Variants in TSFM observed in about 807,000 individuals in gnomAD.
The protein encoded by TSFM is elongation factor Ts, mitochondrial.
Under a neutral mutation model 33.4 loss-of-function variants are expected in TSFM, and 29 were observed. The observed-to-expected ratio is 0.87, with a 90% CI of 0.65 to 1.18. TSFM has a LOEUF of 1.18. Ranked by LOEUF, TSFM falls within the 50% of genes most tolerant of loss-of-function variation. The probability of loss-of-function intolerance (pLI) is 0.00; values close to 1 mark genes in which losing one functional copy is unlikely to be tolerated. For synonymous variants in TSFM, 178 were observed against 163.5 expected (o/e 1.09, Z -0.68); for missense variants, 394 against 395.6 (o/e 1.00, Z 0.04).
intron 3 of TSFM, 56 bp downstream of exon 3, chr12:57,786,347 T>C: frequency 6.4e-7 from 1 of 1,572,474 alleles, no homozygotes; most frequent in East Asian, 2.3e-5. Context: ...GTGTAAAGCT[T>C]GTAGTAGGCC....
At chr12:57,783,361 A>G in intron 2 of TSFM, 78 bp downstream of exon 2, 1 of 1,534,594 alleles carries the variant, frequency 6.5e-7, no homozygotes, top group Non-Finnish European at 9.0e-7. Flanking sequence ...TGGGGAGCAT[A>G]AAGTTAGACT....
At chr12:57,788,324 G>C (rs1236516508) in intron 4 of TSFM, among the ~76,000 whole-genome samples, 1 of 151,752 alleles carries the variant, frequency 6.6e-6, no homozygotes, top group South Asian at 2.1e-4. Context: ...CTGTCACTCA[G>C]GCTGGAGTGC....
chr12:57,786,158 T>TGAGAGGAAAAAGAGCAGACA lies in TSFM; in HGVS notation c.232-5_232-4insGAGAGGAAAAAGAGCAGACA, dbSNP rs757338681. 1 of 1,600,774 alleles carries TGAGAGGAAAAAGAGCAGACA rather than the reference T, an allele frequency of 6.2e-7. No individual in the cohort carries two copies. Among genetic ancestry groups the TGAGAGGAAAAAGAGCAGACA allele is most frequent in the South Asian group, 1.1e-5 (1 of 88,952 alleles). ...TTGTCTGCTCTTTTTCCTCTCAATTTACAGGCAGAGATCTGGCTCCACAAG... is the reference window on the plus strand; with the variant it reads ...TTGTCTGCTCTTTTTCCTCTCAATTTGAGAGGAAAAAGAGCAGACAACAGGCAGAGATCTGGCTCCACAAG... On this transcript the variant is annotated splice_region_variant and splice_polypyrimidine_tract_variant and intron_variant, in intron 2 of 5. Transcript: ENST00000652027.
At position 57,795,072 on chromosome 12, in the gene TSFM, CATATATATATATATATGTAT is replaced by C. The variant is rs1394377711; in HGVS notation, c.572-1093_572-1074del. Among the ~76,000 whole-genome samples the C allele has an allele frequency of 3.0e-5, 4 of 135,154 alleles. No individual in the cohort carries two copies. In the East Asian group the frequency reaches 6.6e-4, roughly 22 times the overall value. 88.7% of individuals were successfully genotyped at this position (135,154 alleles called of 152,430 possible). On this transcript the variant is annotated intron_variant, in intron 5 of 5. Transcript: ENST00000652027. The stretch of plus-strand genomic sequence containing the variant: ...CCGCACCCAGCCCTAGTTAATGCTC[CATATATATATATATATGTAT>C]ATATATATATAAATTTTTTTTTTTG...
At position 57,793,045 on chromosome 12, in the gene TSFM, A is replaced by G. The variant is rs771563453; in HGVS notation, c.543A>G (p.Ser181=). 150 of 1,613,570 alleles carry G rather than the reference A, an allele frequency of 9.3e-5. No homozygotes were observed. Among genetic ancestry groups the G allele is most frequent in the Non-Finnish European group, 1.3e-4 (148 of 1,179,704 alleles). The change falls in exon 5 of 6, where the codon TCA becomes TCG. Residue 181 remains serine, a synonymous_variant. Coordinates refer to ENST00000652027, the MANE Select transcript of TSFM (RefSeq NM_005726.6). Reference sequence around the variant, plus strand: ...CAGCTGGGCCTGACAGAGAAGGCTCACTCAAGGATCAGTTGGCTTTAGCAA... The same window carrying G: ...CAGCTGGGCCTGACAGAGAAGGCTCGCTCAAGGATCAGTTGGCTTTAGCAA... ...GLPAGPDREG[S]LKDQLALAIG... is the part of the protein sequence containing the mutation.
In TSFM at chr12:57,796,973, C is replaced by T. The variant is rs1358588999; in HGVS notation, c.*390C>T. On this transcript the variant is annotated 3_prime_UTR_variant, in exon 6 of 6. Coordinates refer to ENST00000652027, the MANE Select transcript of TSFM (RefSeq NM_005726.6). ...AACCGTGCTTCTGCCTCGGAACCTC[C>T]CTAGTTATATTACTTGTGCCACATG... 1 of 987,406 alleles carries T rather than the reference C, an allele frequency of 1.0e-6. No individual in the cohort carries two copies. The highest frequency in any genetic ancestry group is 1.2e-6 in the Non-Finnish European group (1 of 831,492). The allele number at this position is 987,406 out of a possible 1,614,324, so 61.2% of individuals were successfully genotyped here.
chr12:57,783,343 G>C, intron 2 of TSFM, 60 bp downstream of exon 2: 1 of 1,598,530 alleles, frequency 6.3e-7, no homozygotes, highest in Non-Finnish European at 8.6e-7. Context: ...CTCTTGGGGC[G>C]GTCACGCTGG....
At chr12:57,801,932 T>C (rs1236748863), downstream of TSFM, among the ~76,000 whole-genome samples, 1 of 152,232 alleles carries the variant, frequency 6.6e-6, no homozygotes, top group Non-Finnish European at 1.5e-5. Flanking sequence ...ATAAACTGTT[T>C]ATACTTCACA....
downstream of TSFM, chr12:57,800,281 C>A: frequency 5.4e-6 from 1 of 186,788 alleles, no homozygotes; most frequent in Non-Finnish European, 1.1e-5. Context: ...AGGTTGTAGT[C>A]CTACTTAAAT....
intron 4 of TSFM, among the ~76,000 whole-genome samples, chr12:57,791,722 T>G (rs1339344877): frequency 1.3e-5 from 2 of 152,242 alleles, no homozygotes; most frequent in South Asian, 2.1e-4. Context: ...TTAGGCTGTT[T>G]TTAAAATTTT....
In TSFM at chr12:57,793,023, C is replaced by T. The variant is rs748509130; in HGVS notation, c.521C>T (p.Ala174Val). The T allele has an allele frequency of 1.9e-5, 31 of 1,613,754 alleles. No homozygotes were observed. Among genetic ancestry groups the T allele is most frequent in the Admixed American group, 1.7e-4 (10 of 60,002 alleles). ...TCCTCTGAGCTTTCTGGACTTCCAGCTGGGCCTGACAGAGAAGGCTCACTC... is the reference window on the plus strand; with the variant it reads ...TCCTCTGAGCTTTCTGGACTTCCAGTTGGGCCTGACAGAGAAGGCTCACTC... ...LNSSELSGLP[A>V]GPDREGSLKD... Residue 174 changes from alanine to valine, a missense_variant, in exon 5 of 6, where the codon GCT (alanine) becomes GTT (valine). Coordinates refer to ENST00000652027, the MANE Select transcript of TSFM (RefSeq NM_005726.6).
At chr12:57,802,300 C>T (rs548015584), downstream of TSFM, 33 of 1,613,986 alleles carry the variant, frequency 2.0e-5, no homozygotes, top group South Asian at 3.5e-4. Context: ...GTGGCAAGGG[C>T]ACTCTCCTTC....
intron 2 of TSFM, 103 bp downstream of exon 2, chr12:57,783,386 A>C: frequency 7.3e-7 from 1 of 1,365,790 alleles, no homozygotes; most frequent in Non-Finnish European, 1.0e-6. Flanking sequence ...TTCAGTGACC[A>C]TAATGGCACA....
At chr12:57,784,802 C>T (rs1347594763) in intron 2 of TSFM, among the ~76,000 whole-genome samples, 1 of 151,630 alleles carries the variant, frequency 6.6e-6, no homozygotes, top group African/African-American at 2.4e-5. Flanking sequence ...ATCTCTTGAA[C>T]CCAAAAGGCG....
In TSFM at chr12:57,782,862, A is replaced by G. The variant is rs587777689; in HGVS notation, c.57+4A>G. ...CGCGCGGACCGGGAGCTACCCGGTGAGAAGTCCTGGTGCTGGTACCGACCT... is the reference window on the plus strand; with the variant it reads ...CGCGCGGACCGGGAGCTACCCGGTGGGAAGTCCTGGTGCTGGTACCGACCT... On this transcript the variant is annotated splice_donor_region_variant and intron_variant, in intron 1 of 5. Coordinates refer to ENST00000652027, the MANE Select transcript of TSFM (RefSeq NM_005726.6). 3 of 1,591,864 alleles carry G rather than the reference A, an allele frequency of 1.9e-6. No individual in the cohort carries two copies. Among genetic ancestry groups the G allele is most frequent in the Non-Finnish European group, 8.5e-7 (1 of 1,169,976 alleles).
downstream of TSFM, chr12:57,798,077 G>A: frequency 2.1e-6 from 2 of 962,280 alleles, no homozygotes; most frequent in South Asian, 1.6e-5. Flanking sequence ...GGAGCAAGAG[G>A]GAGTTCTAGG....
At position 57,787,084 on chromosome 12, in the gene TSFM, A is replaced by G. The variant is rs1595138585; in HGVS notation, c.405A>G (p.Gln135=). The G allele has an allele frequency of 6.2e-7, 1 of 1,612,916 alleles. No homozygotes were observed. The highest frequency in any genetic ancestry group is 2.2e-5 in the East Asian group (1 of 44,874). The change falls in exon 4 of 6, where the codon CAA becomes CAG. Residue 135 remains glutamine, a synonymous_variant. Coordinates refer to ENST00000652027, the MANE Select transcript of TSFM (RefSeq NM_005726.6). ...TTGTTTCTAGAAATTTAAAATTTCA[A>G]CTGTTGGTCCAGCAAGTAGCCCTTG... ...TDFVSRNLKF[Q]LLVQQVALGT... is the part of the protein sequence containing the mutation.
chr12:57,791,428 G>T (rs1298150527), intron 4 of TSFM, among the ~76,000 whole-genome samples: 9 of 152,104 alleles, frequency 5.9e-5, no homozygotes, highest in African/African-American at 2.2e-4. Flanking sequence ...CTTCTACCCC[G>T]TTCCTATCCA....
chr12:57,786,996 T>C, intron 3 of TSFM, 44 bp from the exon 4 acceptor site: 1 of 1,576,102 alleles, frequency 6.3e-7, no homozygotes, highest in East Asian at 2.3e-5. Context: ...TTTTGGAAAT[T>C]ATCATTAAAC....
Sources: allele counts gnomAD v4.1 joint callset (sites outside exome capture counted in the v4.1 genomes callset), GRCh38; gene constraint gnomAD v4.1.1; transcripts MANE v1.5; gene names NCBI Gene and HGNC (gene_info 2026-07-23, HGNC 2026-07-21).